GOPC: variants seen among roughly 807,000 people sequenced by gnomAD.
The protein encoded by GOPC is Golgi-associated PDZ and coiled-coil motif-containing protein.
A neutral mutation model predicts 51.2 loss-of-function variants in GOPC; 32 were observed. The ratio of observed to expected loss-of-function variants is 0.63; its 90% CI spans 0.47 to 0.84. The LOEUF is 0.84. Ranked by LOEUF, GOPC falls within the 40% of genes least tolerant of loss-of-function variation. The pLI is 0.00. For missense variants in GOPC, 441 were observed against 555.5 expected, an observed-to-expected ratio of 0.79 and a Z score of 2.07; for synonymous variants, 190 against 205.1, an observed-to-expected ratio of 0.93 and a Z score of 0.63.
chr6:117,602,341 C>A lies in GOPC; in HGVS notation c.-53G>T. ...CTGAAGACCCTCGCCGCCCCCCGCG[C>A]ACGAAGGGAACTGCTGGGACTGAGG... On this transcript the variant is annotated 5_prime_UTR_variant, in exon 1 of 9. Coordinates refer to ENST00000368498, the MANE Select transcript of GOPC (RefSeq NM_020399.4). The A allele has an allele frequency of 1.3e-6, 2 of 1,497,170 alleles. No individual in the cohort carries two copies. The highest frequency in any genetic ancestry group is 1.8e-6 in the Non-Finnish European group (2 of 1,131,232). The allele number at this position is 1,497,170 out of a possible 1,614,324, so 92.7% of individuals were successfully genotyped here. A position where few individuals can be genotyped will look rare whatever the true frequency, so the allele number is the denominator to read the frequency against.
chr6:117,588,760 C>T (rs1431262254), intron 1 of GOPC, among the ~76,000 whole-genome samples: 1 of 149,234 alleles, frequency 6.7e-6, no homozygotes, highest in Non-Finnish European at 1.5e-5. Flanking sequence ...ACAATAAATT[C>T]TACATTTATA....
intron 1 of GOPC, among the ~76,000 whole-genome samples, chr6:117,582,097 A>G (rs1779966402): frequency 6.6e-6 from 1 of 151,952 alleles, no homozygotes; most frequent in South Asian, 2.1e-4. Context: ...CCTCATTGCT[A>G]ATAAGGTTTA....
At chr6:117,579,821 C>T (rs1779932511) in intron 1 of GOPC, among the ~76,000 whole-genome samples, 1 of 151,708 alleles carries the variant, frequency 6.6e-6, no homozygotes, top group Non-Finnish European at 1.5e-5. Flanking sequence ...ATCTAAGGGC[C>T]CAGAACTATG....
intron 1 of GOPC, among the ~76,000 whole-genome samples, chr6:117,589,193 G>A (rs1308476953): frequency 6.6e-6 from 1 of 152,238 alleles, no homozygotes; most frequent in Non-Finnish European, 1.5e-5. Context: ...AGAGTAAGAG[G>A]AAAGAATGGT....
Position 117,563,162 on chromosome 6 carries a change from TC to T in GOPC, c.*91del, listed in dbSNP as rs2114597562. ...CCTTTCATTTAGGCAACAAACAGCC[TC>T]CCCTGATTTTGTAGTCTTTGTCACC... On this transcript the variant is annotated 3_prime_UTR_variant, in exon 9 of 9. Transcript: ENST00000368498. The T allele has an allele frequency of 8.3e-7, 1 of 1,199,182 alleles. No individual in the cohort carries two copies. The highest frequency in any genetic ancestry group is 1.4e-5 in the South Asian group (1 of 73,500). 74.3% of individuals were successfully genotyped at this position (1,199,182 alleles called of 1,614,324 possible).
chr6:117,596,653 T>C (rs1780202362), intron 1 of GOPC, among the ~76,000 whole-genome samples: 1 of 152,216 alleles, frequency 6.6e-6, no homozygotes, highest in African/African-American at 2.4e-5. Flanking sequence ...TAGGGTGTCC[T>C]TTCCTCACTT....
chr6:117,602,081 T>A lies in GOPC; in HGVS notation c.208A>T (p.Met70Leu). ...ADITYEGRQK[M>L]TSLSSCFAQL... ...GCAAAGCAGGAGCTCAGGCTGGTCA[T>A]CTTCTGTCGCCCCTCATAAGTGATG... The change falls in exon 1 of 9, where the codon ATG becomes TTG. Residue 70 changes from methionine (M) to leucine (L), a missense_variant. By Grantham distance (15) the Met-to-Leu change is conservative (BLOSUM62 2). Coordinates refer to ENST00000368498, the MANE Select transcript of GOPC (RefSeq NM_020399.4). The A allele has an allele frequency of 3.1e-6, 5 of 1,614,116 alleles. No homozygotes were observed. The South Asian group carries it at 5.5e-5, about 18-fold the overall frequency.
At chr6:117,564,050 T>C (rs2114599151) in intron 8 of GOPC, among the ~76,000 whole-genome samples, 1 of 151,728 alleles carries the variant, frequency 6.6e-6, no homozygotes, top group East Asian at 1.9e-4. Context: ...TGATTACGGC[T>C]CACTGCTGCC....
At chr6:117,583,312 A>G (rs1236253030) in intron 1 of GOPC, among the ~76,000 whole-genome samples, 2 of 152,236 alleles carry the variant, frequency 1.3e-5, no homozygotes, top group African/African-American at 4.8e-5. Flanking sequence ...AATATCCTGC[A>G]TCAATATGAA....
intron 5 of GOPC, among the ~76,000 whole-genome samples, chr6:117,571,553 C>G (rs891075947): frequency 3.9e-5 from 6 of 152,038 alleles, no homozygotes; most frequent in African/African-American, 1.4e-4. Flanking sequence ...CAAAACAAAA[C>G]AAAAAACCTT....
At chr6:117,581,552 A>T (rs1317755836) in intron 1 of GOPC, among the ~76,000 whole-genome samples, 8 of 152,142 alleles carry the variant, frequency 5.3e-5, no homozygotes, top group African/African-American at 1.9e-4. Context: ...CACAAAGGTA[A>T]CCATCAGAGT....
intron 1 of GOPC, among the ~76,000 whole-genome samples, chr6:117,588,717 A>G (rs1438037102): frequency 2.0e-5 from 3 of 151,526 alleles, no homozygotes; most frequent in African/African-American, 7.3e-5. Flanking sequence ...TTTTTAAATG[A>G]TGTAATAAAG....
At chr6:117,567,536 T>G (rs1779723067) in intron 7 of GOPC, among the ~76,000 whole-genome samples, 1 of 152,084 alleles carries the variant, frequency 6.6e-6, no homozygotes. Flanking sequence ...TTCAAGAAAC[T>G]CCTACAAAAT....
At chr6:117,576,414 A>T (rs1779881753) in intron 3 of GOPC, among the ~76,000 whole-genome samples, 1 of 152,054 alleles carries the variant, frequency 6.6e-6, no homozygotes, top group Non-Finnish European at 1.5e-5. Context: ...TTCAGAACCT[A>T]TGTCCTAAAA....
At chr6:117,584,064 A>G (rs777494246) in intron 1 of GOPC, among the ~76,000 whole-genome samples, 6 of 152,198 alleles carry the variant, frequency 3.9e-5, no homozygotes, top group Non-Finnish European at 8.8e-5. Context: ...AGCTACTCCA[A>G]TGATTTCAGC....
intron 5 of GOPC, among the ~76,000 whole-genome samples, chr6:117,572,432 T>C (rs1779820135): frequency 6.6e-6 from 1 of 152,190 alleles, no homozygotes; most frequent in Admixed American, 6.5e-5. Flanking sequence ...GACTCCAACT[T>C]GGTCCTCTTC....
intron 1 of GOPC, among the ~76,000 whole-genome samples, chr6:117,585,255 A>G (rs890296912): frequency 6.6e-6 from 1 of 152,222 alleles, no homozygotes; most frequent in Non-Finnish European, 1.5e-5. Flanking sequence ...TTCTAAGAAT[A>G]CACAACAACT....
rs1471877194 is a variant in GOPC, at chr6:117,602,499, CTCAG to C, written c.-215_-212del. The C allele has an allele frequency of 1.5e-5, 9 of 588,426 alleles. 1 individual carries two copies. Among genetic ancestry groups the C allele is most frequent in the Admixed American group, 6.1e-5 (2 of 32,806 alleles). The allele number at this position is 588,426 out of a possible 1,614,324, so 36.5% of individuals were successfully genotyped here. A position where few individuals can be genotyped will look rare whatever the true frequency, so the allele number is the denominator to read the frequency against. On this transcript the variant is annotated 5_prime_UTR_variant, in exon 1 of 9. Coordinates refer to ENST00000368498, the MANE Select transcript of GOPC (RefSeq NM_020399.4). ...GGCAACGGCGGCGACACACGGAAGA[CTCAG>C]TCAGTCCCACCTCCCAGCCTGCCCC...
chr6:117,602,474 G>T lies in GOPC; in HGVS notation c.-186C>A, dbSNP rs562098575. 4 of 613,156 alleles carry T rather than the reference G, an allele frequency of 6.5e-6. No homozygotes were observed. Among genetic ancestry groups the T allele is most frequent in the South Asian group, 4.0e-5 (2 of 50,074 alleles). The allele number at this position is 613,156 out of a possible 1,614,324, so 38.0% of individuals were successfully genotyped here. On this transcript the variant is annotated 5_prime_UTR_variant, in exon 1 of 9. Transcript: ENST00000368498. Reference sequence around the variant, plus strand: ...GGAGTAACGAGGCTGAAGCTGAGGCGGCAACGGCGGCGACACACGGAAGAC... The same window carrying T: ...GGAGTAACGAGGCTGAAGCTGAGGCTGCAACGGCGGCGACACACGGAAGAC...
Sources: gnomAD v4.1 joint callset for allele counts (sites outside exome capture counted in the v4.1 genomes callset) on GRCh38, gnomAD v4.1.1 for gene constraint, MANE v1.5 for transcripts, NCBI Gene and HGNC (gene_info 2026-07-23, HGNC 2026-07-21) for gene names.